Variants in HS3ST2 observed in about 807,000 individuals in gnomAD.
HS3ST2 encodes the protein heparan sulfate glucosamine 3-O-sulfotransferase 2.
A neutral mutation model predicts 26.3 loss-of-function variants in HS3ST2; 17 were observed. The observed-to-expected ratio is 0.65, with a 90% CI of 0.44 to 0.97. The LOEUF (loss-of-function observed/expected upper bound fraction) is 0.97, where lower values mean the gene tolerates loss of function less well. Ranked by LOEUF, HS3ST2 falls within the 50% of genes least tolerant of loss-of-function variation. HS3ST2 has a pLI of 0.00. For missense variants in HS3ST2, 402 were observed against 501.2 expected, an observed-to-expected ratio of 0.80 and a Z score of 1.89; for synonymous variants, 237 against 219.2, an observed-to-expected ratio of 1.08 and a Z score of -0.72.
intron 1 of HS3ST2, among the ~76,000 whole-genome samples, chr16:22,841,498 ATTC>A (rs1901356100): frequency 2.0e-5 from 3 of 152,196 alleles, no homozygotes; most frequent in Admixed American, 2.0e-4. Flanking sequence ...TTTAGTGGTT[ATTC>A]TTACAGTGTT....
chr16:22,834,717 C>T lies in HS3ST2; in HGVS notation c.485+19622C>T, dbSNP rs575610671. On this transcript the variant is annotated intron_variant, in intron 1 of 1. Transcript: ENST00000261374. ...TTTTGATACAAATTACCAAGTTTTCCCCACCCCTATGGCAATAGAGCTGAA... is the reference window on the plus strand; with the variant it reads ...TTTTGATACAAATTACCAAGTTTTCTCCACCCCTATGGCAATAGAGCTGAA... Among the ~76,000 whole-genome samples, 9 of 128,092 alleles carry T rather than the reference C, an allele frequency of 7.0e-5. No individual in the cohort carries two copies. In the East Asian group the frequency reaches 1.8e-3, roughly 26 times the overall value. 84.0% of individuals were successfully genotyped at this position (128,092 alleles called of 152,430 possible).
intron 1 of HS3ST2, among the ~76,000 whole-genome samples, chr16:22,836,636 G>A (rs138839935): frequency 1.3e-5 from 2 of 151,660 alleles, no homozygotes; most frequent in East Asian, 1.9e-4. Context: ...TAACCTGACC[G>A]CTGTGCAAGT....
intron 1 of HS3ST2, among the ~76,000 whole-genome samples, chr16:22,826,725 C>A (rs1327869085): frequency 6.6e-6 from 1 of 152,166 alleles, no homozygotes; most frequent in East Asian, 1.9e-4. Context: ...GGGCTACAAA[C>A]TTGTCCACCC....
At chr16:22,825,235 C>T (rs932353405) in intron 1 of HS3ST2, among the ~76,000 whole-genome samples, 1 of 152,198 alleles carries the variant, frequency 6.6e-6, no homozygotes, top group Non-Finnish European at 1.5e-5. Context: ...TATTGACTGC[C>T]ACATAGGGTT....
chr16:22,838,131 T>G (rs1901296518), intron 1 of HS3ST2, among the ~76,000 whole-genome samples: 2 of 151,892 alleles, frequency 1.3e-5, no homozygotes, highest in African/African-American at 4.8e-5. Flanking sequence ...TTGGAGAAAA[T>G]AGACTTAAAG....
intron 1 of HS3ST2, among the ~76,000 whole-genome samples, chr16:22,844,996 A>G (rs1296731003): frequency 6.6e-6 from 1 of 151,602 alleles, no homozygotes; most frequent in African/African-American, 2.4e-5. Flanking sequence ...CTGGGATTAC[A>G]GGTGCCTGCC....
chr16:22,825,378 C>T (rs547251208), intron 1 of HS3ST2, among the ~76,000 whole-genome samples: 1 of 152,274 alleles, frequency 6.6e-6, no homozygotes, highest in South Asian at 2.1e-4. Context: ...CAGCAGCATG[C>T]TAAGGACACA....
chr16:22,904,763 G>T (rs1902327506), intron 1 of HS3ST2, among the ~76,000 whole-genome samples: 1 of 152,192 alleles, frequency 6.6e-6, no homozygotes, highest in Non-Finnish European at 1.5e-5. Flanking sequence ...CAGAAATCCT[G>T]GTAAAGACTC....
At chr16:22,830,650 C>A (rs1237054677) in intron 1 of HS3ST2, among the ~76,000 whole-genome samples, 6 of 152,148 alleles carry the variant, frequency 3.9e-5, no homozygotes, top group Non-Finnish European at 7.3e-5. Flanking sequence ...ATGCATGAAC[C>A]CTTGGTGGAA....
At chr16:22,910,859 A>T (rs1261109825) in intron 1 of HS3ST2, among the ~76,000 whole-genome samples, 4 of 152,150 alleles carry the variant, frequency 2.6e-5, no homozygotes. Context: ...GTTCTCGGAG[A>T]CTAGCAGGAG....
intron 1 of HS3ST2, among the ~76,000 whole-genome samples, chr16:22,874,179 G>A (rs543306591): frequency 4.6e-5 from 7 of 152,270 alleles, no homozygotes; most frequent in Non-Finnish European, 2.9e-5. Flanking sequence ...AGGACCATAA[G>A]CCAAGCTAGA....
chr16:22,825,166 G>A (rs1901065748), intron 1 of HS3ST2, among the ~76,000 whole-genome samples: 1 of 152,216 alleles, frequency 6.6e-6, no homozygotes, highest in Admixed American at 6.5e-5. Flanking sequence ...AGGTGAGTGT[G>A]TGTGCCAACC....
rs140526711 is a variant in HS3ST2, at chr16:22,814,973, C to A, written c.363C>A (p.Gly121=). The change falls in exon 1 of 2, where the codon GGC becomes GGA. Residue 121 remains glycine (G), a synonymous_variant. Transcript: ENST00000261374. The stretch of plus-strand genomic sequence containing the variant: ...GGTTGCCCCAAGCCCTCATTGTGGG[C>A]GTGAAGAAGGGGGGCACCCGGGCCG... ...TKRLPQALIV[G]VKKGGTRAVL... 7.4e-6 allele frequency: 12 copies of A among 1,612,662 alleles called. No individual in the cohort carries two copies. The African/African-American group carries it at 1.6e-4, about 22-fold the overall frequency.
intron 1 of HS3ST2, among the ~76,000 whole-genome samples, chr16:22,870,006 A>C (rs1449057504): frequency 6.6e-6 from 1 of 152,144 alleles, no homozygotes; most frequent in Non-Finnish European, 1.5e-5. Context: ...CATAGTCTTA[A>C]ATTCTCACAT....
chr16:22,862,809 C>T (rs1306525882), intron 1 of HS3ST2, among the ~76,000 whole-genome samples: 2 of 152,150 alleles, frequency 1.3e-5, no homozygotes, highest in East Asian at 1.9e-4. Flanking sequence ...ACATCTCCTA[C>T]GGGGATGAAG....
At chr16:22,849,981 C>T (rs920199629) in intron 1 of HS3ST2, among the ~76,000 whole-genome samples, 3 of 152,118 alleles carry the variant, frequency 2.0e-5, no homozygotes, top group Non-Finnish European at 4.4e-5. Context: ...AGGTCCTCCC[C>T]GCTCCTGGGG....
At chr16:22,836,966 A>ATT (rs1178651783) in intron 1 of HS3ST2, among the ~76,000 whole-genome samples, 1 of 152,038 alleles carries the variant, frequency 6.6e-6, no homozygotes, top group African/African-American at 2.4e-5. Context: ...CCAGGACAAA[A>ATT]TCTTTTTAAA....
intron 1 of HS3ST2, among the ~76,000 whole-genome samples, chr16:22,847,967 G>A (rs1901466833): frequency 6.6e-6 from 1 of 152,014 alleles, no homozygotes; most frequent in African/African-American, 2.4e-5. Context: ...AAGAAAGAGT[G>A]AGAAAGAAAG....
intron 1 of HS3ST2, among the ~76,000 whole-genome samples, chr16:22,858,184 G>A (rs943444682): frequency 2.6e-5 from 4 of 151,928 alleles, no homozygotes; most frequent in African/African-American, 9.7e-5. Flanking sequence ...AAAAAATAAC[G>A]AAAATTGTAT....
Sources: gnomAD v4.1 joint callset for allele counts (sites outside exome capture counted in the v4.1 genomes callset) on GRCh38, gnomAD v4.1.1 for gene constraint, MANE v1.5 for transcripts, NCBI Gene and HGNC (gene_info 2026-07-23, HGNC 2026-07-21) for gene names.